The following PCDHGA4 variants were observed in gnomAD, a reference collection of about 807,000 sequenced individuals.
PCDHGA4 encodes the protein protocadherin gamma subfamily A, 4, also known as protocadherin gamma-A4.
In PCDHGA4, 38 loss-of-function variants were observed where a neutral mutation model predicts 54.6. The ratio of observed to expected loss-of-function variants is 0.70; its 90% CI spans 0.54 to 0.91. The LOEUF (loss-of-function observed/expected upper bound fraction) is 0.91. Among genes scored for constraint, PCDHGA4 ranks in the 40% least tolerant of loss-of-function variants. The probability of loss-of-function intolerance (pLI) is 0.00; values close to 1 mark genes in which losing one functional copy is unlikely to be tolerated. For synonymous variants in PCDHGA4, 511 were observed against 512.9 expected (o/e 1.00, Z 0.05); for missense variants, 1,298 against 1,220.9 (o/e 1.06, Z -0.94).
intron 1 of PCDHGA4, chr5:141,390,100 C>A (rs2092045935): frequency 1.2e-6 from 2 of 1,614,060 alleles, no homozygotes; most frequent in Non-Finnish European, 1.7e-6. Context: ...GTGGTTCCCC[C>A]CAACTACAGC....
intron 1 of PCDHGA4, chr5:141,411,213 CTATT>C (rs1479996814): frequency 1.3e-5 from 2 of 152,186 alleles, no homozygotes; most frequent in African/African-American, 2.4e-5. Context: ...AGTAACCTAT[CTATT>C]CAAATTTGCG....
chr5:141,494,729 C>T (rs2099756368), intron 1 of PCDHGA4, 78 bp from the exon 2 acceptor site: 31 of 1,610,050 alleles, frequency 1.9e-5, no homozygotes, highest in Admixed American at 3.3e-5. Flanking sequence ...CCTTCTCTCC[C>T]GGCCCATCCC....
chr5:141,418,430 T>G (rs1331082135), intron 1 of PCDHGA4: 1 of 1,613,908 alleles, frequency 6.2e-7, no homozygotes, highest in South Asian at 1.1e-5. Flanking sequence ...TGGTGGCAAA[T>G]ATCCAGAATT....
intron 1 of PCDHGA4, chr5:141,423,975 A>T: frequency 8.9e-7 from 1 of 1,126,024 alleles, no homozygotes; most frequent in Non-Finnish European, 1.1e-6. Flanking sequence ...TTATCAGTGT[A>T]TGAGGCTCTC....
chr5:141,408,559 C>T (rs1490844526), intron 1 of PCDHGA4: 3 of 1,614,000 alleles, frequency 1.9e-6, no homozygotes, highest in Non-Finnish European at 2.5e-6. Flanking sequence ...TTTTTCATGT[C>T]ATTGTGGTGA....
At chr5:141,421,700 C>A (rs755518757) in intron 1 of PCDHGA4, 2 of 1,613,900 alleles carry the variant, frequency 1.2e-6, no homozygotes, top group Non-Finnish European at 1.7e-6. Flanking sequence ...CTTCCTAATG[C>A]TAGGGATCCA....
intron 2 of PCDHGA4, among the ~76,000 whole-genome samples, chr5:141,495,811 G>A (rs1164360438): frequency 1.3e-5 from 2 of 151,710 alleles, no homozygotes; most frequent in Admixed American, 1.3e-4. Flanking sequence ...GTTTCCTAGC[G>A]CCTTGTGTTC....
Position 141,400,079 on chromosome 5 carries a change from C to G in PCDHGA4, c.2514+42458C>G, listed in dbSNP as rs1377742612. On this transcript the variant is annotated intron_variant, in intron 1 of 3. Coordinates refer to ENST00000571252, the MANE Select transcript of PCDHGA4 (RefSeq NM_018917.4). ...CGTGATGGTGGACAGCCGCCACTCT[C>G]CGCCACCGCCACGCTGCACTTGGTC... 2.5e-6 allele frequency: 4 copies of G among 1,613,924 alleles called. No individual in the cohort carries two copies. In the East Asian group the frequency reaches 6.7e-5, roughly 27 times the overall value.
rs3074545 is a variant in PCDHGA4, at chr5:141,482,530, C to CAAAAAAA, written c.2515-12264_2515-12258dup. On this transcript the variant is annotated intron_variant, in intron 1 of 3. Coordinates refer to ENST00000571252, the MANE Select transcript of PCDHGA4 (RefSeq NM_018917.4). ...CAGAGTACAGTATGAGACAGACATG[C>CAAAAAAA]AAAAAAAAAAAAAAAAAAAGATAAT... Among the ~76,000 whole-genome samples the CAAAAAAA allele has an allele frequency of 6.5e-4, 50 of 76,534 alleles. 2 individuals are homozygous for CAAAAAAA. The highest frequency in any genetic ancestry group is 1.7e-3 in the African/African-American group (35 of 20,860). 50.2% of individuals were successfully genotyped at this position (76,534 alleles called of 152,430 possible).
intron 1 of PCDHGA4, chr5:141,374,945 A>C (rs779694385): frequency 6.2e-7 from 1 of 1,614,034 alleles, no homozygotes; most frequent in Admixed American, 1.7e-5. Context: ...TACAGAAAAG[A>C]TCTCACAAAT....
At chr5:141,450,626 A>G (rs1474729472) in intron 1 of PCDHGA4, among the ~76,000 whole-genome samples, 1 of 151,438 alleles carries the variant, frequency 6.6e-6, no homozygotes, top group East Asian at 2.0e-4. Context: ...AGCTGGGATT[A>G]CAGATGCCTG....
Position 141,477,311 on chromosome 5 carries a change from C to G in PCDHGA4, c.2515-17496C>G. 6.2e-7 allele frequency: 1 copy of G among 1,614,186 alleles called. No individual in the cohort carries two copies. The highest frequency in any genetic ancestry group is 8.5e-7 in the Non-Finnish European group (1 of 1,180,032). ...AGTTCCACCGGGTCTCCCTTTCAGC[C>G]TTACTTCTTCCCTCAAGAATTACTT... On this transcript the variant is annotated intron_variant, in intron 1 of 3. Coordinates refer to ENST00000571252, the MANE Select transcript of PCDHGA4 (RefSeq NM_018917.4). The surrounding 1 kb of genome is among the most constrained non-coding windows in gnomAD (Gnocchi z 4.9).
chr5:141,472,928 G>A (rs926768431), intron 1 of PCDHGA4, among the ~76,000 whole-genome samples: 13 of 150,136 alleles, frequency 8.7e-5, no homozygotes, highest in Admixed American at 2.7e-4. Flanking sequence ...GGAGGTTGTG[G>A]TGAGCCAAGA....
rs1049831420 is a variant in PCDHGA4 at position 141,486,549 on chromosome 5, C to T, written c.2515-8258C>T. ...AATCCACCCTCTTTCTTTCAGAGGTCACATGAGGTGTTTGTTCCTGAGAAC... is the reference window on the plus strand; with the variant it reads ...AATCCACCCTCTTTCTTTCAGAGGTTACATGAGGTGTTTGTTCCTGAGAAC... On this transcript the variant is annotated intron_variant, in intron 1 of 3. Coordinates refer to ENST00000571252, the MANE Select transcript of PCDHGA4 (RefSeq NM_018917.4). This position sits in a 1 kb window ranked among gnomAD's most constrained non-coding sequence, Gnocchi z 5.0. The T allele has an allele frequency of 3.1e-6, 5 of 1,613,982 alleles. No individual in the cohort carries two copies. In the African/African-American group the frequency reaches 4.0e-5, roughly 13 times the overall value.
intron 1 of PCDHGA4, chr5:141,375,430 G>C: frequency 6.2e-7 from 1 of 1,613,848 alleles, no homozygotes; most frequent in Non-Finnish European, 8.5e-7. Flanking sequence ...ACGACAACCC[G>C]CCCACCTTCC....
At chr5:141,374,571 G>A in intron 1 of PCDHGA4, 1 of 1,613,670 alleles carries the variant, frequency 6.2e-7, no homozygotes, top group Non-Finnish European at 8.5e-7. Flanking sequence ...CCTGATGTGG[G>A]AATGAACTCC....
chr5:141,384,334 C>T, intron 1 of PCDHGA4: 1 of 1,613,846 alleles, frequency 6.2e-7, no homozygotes. Flanking sequence ...TGCACAGGAC[C>T]ACGACAGTGA....
intron 1 of PCDHGA4, chr5:141,413,694 C>G (rs2095667651): frequency 1.2e-6 from 2 of 1,613,800 alleles, no homozygotes; most frequent in East Asian, 4.5e-5. Context: ...CCCTGCAGAG[C>G]TATCAGCTCA....
chr5:141,426,614 G>T (rs1468159807), intron 1 of PCDHGA4: 25 of 385,508 alleles, frequency 6.5e-5, no homozygotes, highest in Non-Finnish European at 1.3e-4. Context: ...TTGTAGCAGA[G>T]AATCCTCTAA....
Sources: gnomAD v4.1 joint callset for allele counts (sites outside exome capture counted in the v4.1 genomes callset) on GRCh38, gnomAD v4.1.1 for gene constraint, Gnocchi (gnomAD v3.1) non-coding constraint, MANE v1.5 for transcripts, NCBI Gene and HGNC (gene_info 2026-07-23, HGNC 2026-07-21) for gene names.